The following NFIA variants were observed in gnomAD, a reference collection of about 807,000 sequenced individuals.
NFIA encodes nuclear factor I A.
Under a neutral mutation model 62.8 loss-of-function variants are expected in NFIA, and 8 were observed. The ratio of observed to expected loss-of-function variants is 0.13; its 90% CI spans 0.07 to 0.23. The LOEUF is 0.23. Among genes scored for constraint, NFIA ranks in the 10% least tolerant of loss-of-function variants. The pLI, the probability that NFIA is intolerant of heterozygous loss-of-function variation, is 1.00. For missense variants in NFIA, 410 were observed against 642.1 expected, an observed-to-expected ratio of 0.64 and a Z score of 3.91; for synonymous variants, 235 against 238.1, an observed-to-expected ratio of 0.99 and a Z score of 0.12.
intron 2 of NFIA, among the ~76,000 whole-genome samples, chr1:61,258,264 C>T (rs1033771392): frequency 1.3e-5 from 2 of 152,140 alleles, no homozygotes; most frequent in African/African-American, 2.4e-5. Flanking sequence ...GTGTATACAT[C>T]ATGCCAAAGA....
At chr1:61,305,946 C>T (rs1161269582) in intron 3 of NFIA, among the ~76,000 whole-genome samples, 1 of 150,608 alleles carries the variant, frequency 6.6e-6, no homozygotes, top group Non-Finnish European at 1.5e-5. Flanking sequence ...CTCCCGAGTT[C>T]ACACCATTCT....
At chr1:61,448,196 C>A (rs1425468365) in intron 10 of NFIA, among the ~76,000 whole-genome samples, 1 of 152,160 alleles carries the variant, frequency 6.6e-6, no homozygotes, top group Non-Finnish European at 1.5e-5. Context: ...CCAAGGCGTG[C>A]AGTTTAGCCT....
intron 2 of NFIA, among the ~76,000 whole-genome samples, chr1:61,274,871 C>T (rs1351588102): frequency 6.6e-6 from 1 of 152,076 alleles, no homozygotes; most frequent in African/African-American, 2.4e-5. Context: ...TCCATGCATC[C>T]TCAGCAGAGA....
intron 3 of NFIA, among the ~76,000 whole-genome samples, chr1:61,298,896 G>A (rs947106737): frequency 6.6e-6 from 1 of 152,170 alleles, no homozygotes; most frequent in Non-Finnish European, 1.5e-5. Flanking sequence ...GTTTCAAAGT[G>A]ACTGCGTTAA....
rs192841634 is a variant in NFIA at position 61,256,117 on chromosome 1, C to T, written c.560-21403C>T. On this transcript the variant is annotated intron_variant, in intron 2 of 10. Coordinates refer to ENST00000403491, the MANE Select transcript of NFIA (RefSeq NM_001134673.4). Reference sequence around the variant, plus strand: ...TTAACGATAGCTGATGAGCTTAAAACAAAAATCGCAAAAAAATCTTAGCAT... The same window carrying T: ...TTAACGATAGCTGATGAGCTTAAAATAAAAATCGCAAAAAAATCTTAGCAT... 3.3e-5 allele frequency among the ~76,000 whole-genome samples: 5 copies of T among 152,106 alleles called. No individual in the cohort carries two copies. The East Asian group carries it at 9.6e-4, about 29-fold the overall frequency.
rs11803572 is a variant in NFIA at position 61,209,847 on chromosome 1, T to C, written c.560-67673T>C. ...CAGCCTGGGCAACAGAGCAAGACTC[T>C]GTCTCAAAAAAAAAATTAAAAAGTA... On this transcript the variant is annotated intron_variant, in intron 2 of 10. Transcript: ENST00000403491. Among the ~76,000 whole-genome samples the C allele has an allele frequency of 4.5e-3, 679 of 152,038 alleles. 2 individuals carry two copies. Among genetic ancestry groups the C allele is most frequent in the African/African-American group, 0.016 (643 of 41,482 alleles).
chr1:61,148,121 G>A (rs558459061), intron 2 of NFIA, among the ~76,000 whole-genome samples: 12 of 152,200 alleles, frequency 7.9e-5, no homozygotes, highest in Non-Finnish European at 1.2e-4. Flanking sequence ...ATCCTGAGAC[G>A]TTGCTAACCC....
chr1:61,383,098 G>A (rs1287546847), intron 6 of NFIA, 139 bp from the exon 7 acceptor site: 24 of 1,062,396 alleles, frequency 2.3e-5, no homozygotes, highest in Non-Finnish European at 3.3e-5. Flanking sequence ...CAAATGCAAA[G>A]CAATTCACAA....
intron 2 of NFIA, among the ~76,000 whole-genome samples, chr1:61,148,253 G>A (rs897761254): frequency 2.6e-5 from 4 of 152,092 alleles, no homozygotes; most frequent in Admixed American, 6.5e-5. Context: ...TGGTCCCTGC[G>A]TACCTCTGTA....
At chr1:61,280,057 A>G (rs550660880) in intron 3 of NFIA, among the ~76,000 whole-genome samples, 3 of 152,350 alleles carry the variant, frequency 2.0e-5, no homozygotes, top group East Asian at 1.9e-4. Flanking sequence ...AAGCTGGCTT[A>G]TCTTAGCCCC....
Position 61,399,004 on chromosome 1 carries a change from C to T in NFIA, c.1076-5100C>T, listed in dbSNP as rs184769689. ...GTTTTTTAAGTGGGATTTTTTTCTT[C>T]GATTTTCTTTTCCTTTTGAAGCTTT... On this transcript the variant is annotated intron_variant, in intron 7 of 10. Coordinates refer to ENST00000403491, the MANE Select transcript of NFIA (RefSeq NM_001134673.4). 2.5e-3 allele frequency among the ~76,000 whole-genome samples: 382 copies of T among 152,074 alleles called. 3 individuals are homozygous for T. The highest frequency in any genetic ancestry group is 8.5e-3 in the African/African-American group (351 of 41,484).
chr1:61,319,921 C>A (rs1660588273), intron 3 of NFIA, among the ~76,000 whole-genome samples: 2 of 151,936 alleles, frequency 1.3e-5, no homozygotes, highest in South Asian at 4.1e-4. Flanking sequence ...ATTGTGCAGT[C>A]TTTTATACCA....
chr1:61,346,970 C>T (rs971121468), intron 4 of NFIA, among the ~76,000 whole-genome samples: 5 of 152,044 alleles, frequency 3.3e-5, no homozygotes, highest in African/African-American at 1.2e-4. Context: ...CTCACTATCA[C>T]GAGAACAGCA....
intron 9 of NFIA, among the ~76,000 whole-genome samples, chr1:61,419,572 A>G (rs575595751): frequency 6.6e-6 from 1 of 152,298 alleles, no homozygotes; most frequent in South Asian, 2.1e-4. Context: ...CTGTGTGCAC[A>G]TTATAACATG....
At chr1:61,154,623 T>G (rs1178974148) in intron 2 of NFIA, among the ~76,000 whole-genome samples, 2 of 152,208 alleles carry the variant, frequency 1.3e-5, no homozygotes. Context: ...GCTAATTTTT[T>G]TGTATTTTTA....
intron 2 of NFIA, among the ~76,000 whole-genome samples, chr1:61,179,827 G>T (rs2100559459): frequency 6.6e-6 from 1 of 152,268 alleles, no homozygotes; most frequent in Non-Finnish European, 1.5e-5. Flanking sequence ...GTTTTGGGGG[G>T]TGAAAGTTGA....
chr1:61,197,613 C>A (rs547078245), intron 2 of NFIA, among the ~76,000 whole-genome samples: 1 of 152,120 alleles, frequency 6.6e-6, no homozygotes, highest in South Asian at 2.1e-4. Context: ...AAATATGATT[C>A]TCTTAATATT....
intron 2 of NFIA, among the ~76,000 whole-genome samples, chr1:61,125,627 T>G (rs1646954587): frequency 6.6e-6 from 1 of 152,174 alleles, no homozygotes; most frequent in Non-Finnish European, 1.5e-5. Flanking sequence ...ATGGAAACAT[T>G]TAAGAGCTTA....
chr1:61,119,165 C>T lies in NFIA; in HGVS notation c.559+30485C>T, dbSNP rs370362406. Among the ~76,000 whole-genome samples the T allele has an allele frequency of 1.8e-4, 28 of 152,214 alleles. 1 individual carries two copies. In the South Asian group the frequency reaches 3.5e-3, roughly 19 times the overall value. ...TCCTGTGAAATCTTAAATATTTGCA[C>T]GTATAATTGGTAATTTTAGCTTTTA... is the stretch of plus-strand genomic sequence containing the variant. On this transcript the variant is annotated intron_variant, in intron 2 of 10. Coordinates refer to ENST00000403491, the MANE Select transcript of NFIA (RefSeq NM_001134673.4).
Sources: allele counts gnomAD v4.1 joint callset (sites outside exome capture counted in the v4.1 genomes callset), GRCh38; gene constraint gnomAD v4.1.1; transcripts MANE v1.5; gene names NCBI Gene and HGNC (gene_info 2026-07-23, HGNC 2026-07-21).